Variants in NKAIN2 observed in about 807,000 individuals in gnomAD.
The protein encoded by NKAIN2 is sodium/potassium transporting ATPase interacting 2, also known as sodium/potassium-transporting ATPase subunit beta-1-interacting protein 2.
In NKAIN2, 14 loss-of-function variants were observed where a neutral mutation model predicts 32.6. That is an observed-to-expected ratio of 0.43 (90% CI 0.28 to 0.67). NKAIN2 has a LOEUF of 0.67. Ranked by LOEUF, NKAIN2 falls within the 30% of genes least tolerant of loss-of-function variation. NKAIN2 has a pLI of 0.17. For synonymous variants in NKAIN2, 80 were observed against 87.2 expected (o/e 0.92, Z 0.46); for missense variants, 198 against 258.3 (o/e 0.77, Z 1.60).
chr6:124,026,183 G>A (rs1051474948), intron 1 of NKAIN2, among the ~76,000 whole-genome samples: 40 of 152,198 alleles, frequency 2.6e-4, no homozygotes, highest in African/African-American at 9.4e-4. Flanking sequence ...TATTTTTGAA[G>A]GTTCCTGTGT....
At chr6:124,726,396 G>C (rs895706014) in intron 4 of NKAIN2, among the ~76,000 whole-genome samples, 5 of 152,170 alleles carry the variant, frequency 3.3e-5, no homozygotes, top group Non-Finnish European at 7.4e-5. Flanking sequence ...GTGGGTCCCT[G>C]ACCCATGACC....
chr6:124,784,519 A>G (rs915448279), intron 4 of NKAIN2, among the ~76,000 whole-genome samples: 3 of 152,024 alleles, frequency 2.0e-5, no homozygotes, highest in African/African-American at 7.2e-5. Context: ...ACTAACCTCA[A>G]TTCTATGGAA....
chr6:124,010,636 C>T (rs1780280033), intron 1 of NKAIN2, among the ~76,000 whole-genome samples: 1 of 151,512 alleles, frequency 6.6e-6, no homozygotes, highest in African/African-American at 2.4e-5. Flanking sequence ...GCCATTCTCT[C>T]ACCTGTAAAA....
At chr6:124,115,465 TCAGA>T (rs945519146) in intron 1 of NKAIN2, among the ~76,000 whole-genome samples, 5 of 152,062 alleles carry the variant, frequency 3.3e-5, no homozygotes, top group Non-Finnish European at 7.4e-5. Context: ...TATAGTGTTA[TCAGA>T]CAGACAATTT....
At position 124,015,754 on chromosome 6, in the gene NKAIN2, C is replaced by A. The variant is rs928842817; in HGVS notation, c.54+211500C>A. On this transcript the variant is annotated intron_variant, in intron 1 of 6. Transcript: ENST00000368417. ...AGTTCAGTTAGTTTTACTTTATACG[C>A]TCATATAAGAGTCAGTATTTGTGAG... Among the ~76,000 whole-genome samples, 3 of 152,144 alleles carry A rather than the reference C, an allele frequency of 2.0e-5. No homozygotes were observed. In the East Asian group the frequency reaches 5.8e-4, roughly 29 times the overall value.
intron 1 of NKAIN2, among the ~76,000 whole-genome samples, chr6:123,934,442 G>A (rs1432171457): frequency 6.6e-6 from 1 of 152,130 alleles, no homozygotes; most frequent in East Asian, 1.9e-4. Context: ...CCAGCCCACA[G>A]TGAATCCTCC....
At chr6:123,903,708 A>T (rs1427112410) in intron 1 of NKAIN2, among the ~76,000 whole-genome samples, 1 of 152,166 alleles carries the variant, frequency 6.6e-6, no homozygotes, top group Non-Finnish European at 1.5e-5. Flanking sequence ...GGTAGACCTA[A>T]TTATCTTCTT....
intron 3 of NKAIN2, among the ~76,000 whole-genome samples, chr6:124,403,612 T>G (rs1773721607): frequency 6.6e-6 from 1 of 152,218 alleles, no homozygotes; most frequent in Admixed American, 6.5e-5. Flanking sequence ...GGGCATCCAC[T>G]ATGTGCTAAG....
intron 3 of NKAIN2, among the ~76,000 whole-genome samples, chr6:124,544,708 T>C (rs565674464): frequency 6.6e-6 from 1 of 152,266 alleles, no homozygotes; most frequent in South Asian, 2.1e-4. Context: ...ATGAGTTCTG[T>C]CTGTTCAACA....
At chr6:123,971,992 C>G (rs1778366095) in intron 1 of NKAIN2, among the ~76,000 whole-genome samples, 1 of 152,146 alleles carries the variant, frequency 6.6e-6, no homozygotes, top group African/African-American at 2.4e-5. Flanking sequence ...ACCCCTGAAA[C>G]AGTAAGACCA....
chr6:124,333,543 C>G (rs1303204892), intron 2 of NKAIN2, among the ~76,000 whole-genome samples: 1 of 151,922 alleles, frequency 6.6e-6, no homozygotes, highest in East Asian at 1.9e-4. Flanking sequence ...GCTGGTAATC[C>G]CAGCTACTCA....
chr6:124,553,743 T>C (rs1047745227), intron 3 of NKAIN2, among the ~76,000 whole-genome samples: 1 of 152,362 alleles, frequency 6.6e-6, no homozygotes, highest in South Asian at 2.1e-4. Flanking sequence ...CAGCGTTTAA[T>C]TGAATCCTAG....
At chr6:123,828,510 A>C (rs2114906744) in intron 1 of NKAIN2, among the ~76,000 whole-genome samples, 1 of 152,284 alleles carries the variant, frequency 6.6e-6, no homozygotes, top group South Asian at 2.1e-4. Context: ...AACTCCTAAA[A>C]GCCTATTTAA....
In NKAIN2 at chr6:124,818,418, C is replaced by G. The variant is rs749708571; in HGVS notation, c.567C>G (p.Gly189=). The G allele has an allele frequency of 6.2e-7, 1 of 1,604,970 alleles. No homozygotes were observed. Among genetic ancestry groups the G allele is most frequent in the South Asian group, 1.1e-5 (1 of 90,708 alleles). ...FDFIGGFDSY[G]YQGPQKTSHL... The stretch of plus-strand genomic sequence containing the variant: ...TCATAGGTGGCTTTGACTCTTATGG[C>G]TATCAAGGGCCTCAGAAGACATCTC... Residue 189 remains glycine (G), a synonymous_variant, in exon 6 of 7, where the codon GGC becomes GGG. Transcript: ENST00000368417.
At chr6:124,419,588 A>C (rs573745898) in intron 3 of NKAIN2, among the ~76,000 whole-genome samples, 1 of 152,168 alleles carries the variant, frequency 6.6e-6, no homozygotes, top group Non-Finnish European at 1.5e-5. Context: ...CTATCTTTCT[A>C]TGATCCAAAT....
intron 1 of NKAIN2, among the ~76,000 whole-genome samples, chr6:124,096,001 T>C (rs1252050918): frequency 6.6e-6 from 1 of 152,164 alleles, no homozygotes; most frequent in African/African-American, 2.4e-5. Context: ...ACATTGTTTC[T>C]CTATAAACAA....
At chr6:124,722,728 G>C (rs1776083751) in intron 4 of NKAIN2, among the ~76,000 whole-genome samples, 1 of 152,154 alleles carries the variant, frequency 6.6e-6, no homozygotes, top group Non-Finnish European at 1.5e-5. Flanking sequence ...TGGGGAAAGG[G>C]GGACCCCTGG....
chr6:124,620,650 G>A (rs1022483301), intron 3 of NKAIN2, among the ~76,000 whole-genome samples: 1 of 152,116 alleles, frequency 6.6e-6, no homozygotes, highest in Admixed American at 6.6e-5. Context: ...TAAGGTTAGG[G>A]TTTAAAGATT....
intron 1 of NKAIN2, among the ~76,000 whole-genome samples, chr6:123,847,586 C>T (rs909616788): frequency 6.6e-6 from 1 of 152,044 alleles, no homozygotes; most frequent in Non-Finnish European, 1.5e-5. Flanking sequence ...GGATTTGTTT[C>T]CTTTTCTTTA....
Sources: allele counts gnomAD v4.1 joint callset (sites outside exome capture counted in the v4.1 genomes callset), GRCh38; gene constraint gnomAD v4.1.1; transcripts MANE v1.5; gene names NCBI Gene and HGNC (gene_info 2026-07-23, HGNC 2026-07-21).